ITGAD: variants seen among roughly 807,000 people sequenced by gnomAD.
The protein encoded by ITGAD is integrin subunit alpha D, also known as integrin alpha-D.
A neutral mutation model predicts 139.0 loss-of-function variants in ITGAD; 105 were observed. That is an observed-to-expected ratio of 0.76 (90% CI 0.65 to 0.89). The LOEUF is 0.89. ITGAD is among the 40% of genes least tolerant of loss of function. The probability of loss-of-function intolerance (pLI) is 0.00; values close to 1 mark genes in which losing one functional copy is unlikely to be tolerated. For missense variants in ITGAD, 1,384 were observed against 1,487.3 expected, an observed-to-expected ratio of 0.93 and a Z score of 1.14; for synonymous variants, 569 against 598.3, an observed-to-expected ratio of 0.95 and a Z score of 0.71.
At position 31,426,465 on chromosome 16, in the gene ITGAD, G is replaced by A. The variant is rs1050418173; in HGVS notation, c.*337G>A. On this transcript the variant is annotated 3_prime_UTR_variant, in exon 30 of 30. Coordinates refer to ENST00000389202, the MANE Select transcript of ITGAD (RefSeq NM_005353.3). ...TGAGTGCCTCTCTGGGAATAGTCGGGGGAACCTATTTGTGGGCATTGAAAA... is the reference window on the plus strand; with the variant it reads ...TGAGTGCCTCTCTGGGAATAGTCGGAGGAACCTATTTGTGGGCATTGAAAA... 3.9e-6 allele frequency: 1 copy of A among 253,366 alleles called. No homozygotes were observed. The highest frequency in any genetic ancestry group is 7.8e-6 in the Non-Finnish European group (1 of 128,386). 15.7% of individuals were successfully genotyped at this position (253,366 alleles called of 1,614,324 possible).
chr16:31,393,527 G>A (rs1465089638), intron 1 of ITGAD, 136 bp downstream of exon 1: 5 of 858,760 alleles, frequency 5.8e-6, no homozygotes, highest in South Asian at 1.5e-5. Flanking sequence ...CTTCATGTGC[G>A]AGTGGCCCGG....
At chr16:31,394,130 CAAAAAAAAAA>C (rs943198130) in intron 1 of ITGAD, 96 bp from the exon 2 acceptor site, 2 of 414,512 alleles carry the variant, frequency 4.8e-6, no homozygotes, top group Non-Finnish European at 8.1e-6. Context: ...GACTCCATCT[CAAAAAAAAAA>C]AAAAAAAAAA....
rs142645960 is a variant in ITGAD, at chr16:31,423,451, C to T, written c.2959C>T (p.Pro987Ser). The T allele has an allele frequency of 4.8e-4, 769 of 1,613,422 alleles. No homozygotes were observed. Among genetic ancestry groups the T allele is most frequent in the Non-Finnish European group, 6.4e-4 (749 of 1,179,502 alleles). ...VAVWDVVMEA[P>S]SQSLPCVSER... The stretch of plus-strand genomic sequence containing the variant: ...TGTGTGGGATGTGGTCATGGAGGCC[C>T]CATCTCAGGTACCCGCCTATCTCTC... Residue 987 changes from proline (P) to serine (S), a missense_variant, in exon 25 of 30, where the codon CCA becomes TCA. Transcript: ENST00000389202.
At chr16:31,401,451 C>T (rs80229418) in intron 5 of ITGAD, among the ~76,000 whole-genome samples, 2,786 of 152,164 alleles carry the variant, frequency 0.018, 81 homozygotes, top group African/African-American at 0.064. Context: ...GCCAACTCCA[C>T]GTAGCTGGAA....
In ITGAD at chr16:31,397,552, T is replaced by C. The variant is rs549367422; in HGVS notation, c.242-44T>C. On this transcript the variant is annotated intron_variant, in intron 3 of 29. Transcript: ENST00000389202. ...TTCCAGTCCAGACCTTCCCCGCAAATGAGTGTGTGCTGTGAGTGAGACCCC... is the reference window on the plus strand; with the variant it reads ...TTCCAGTCCAGACCTTCCCCGCAAACGAGTGTGTGCTGTGAGTGAGACCCC... The C allele has an allele frequency of 1.9e-6, 3 of 1,601,236 alleles. No individual in the cohort carries two copies. In the African/African-American group the frequency reaches 4.0e-5, roughly 21 times the overall value.
At chr16:31,411,994 A>G (rs182150966) in intron 14 of ITGAD, among the ~76,000 whole-genome samples, 198 of 151,036 alleles carry the variant, frequency 1.3e-3, no homozygotes, top group African/African-American at 4.6e-3. Flanking sequence ...ACCAACCTGC[A>G]CCCTCATGAC....
At position 31,423,883 on chromosome 16, in the gene ITGAD, C is replaced by A; in HGVS notation, c.3084C>A (p.Asp1028Glu). Residue 1028 changes from aspartate (D) to glutamate (E), a missense_variant, in exon 27 of 30, where the codon GAC becomes GAA. Asp to Glu is a conservative substitution (Grantham distance 45). Coordinates refer to ENST00000389202, the MANE Select transcript of ITGAD (RefSeq NM_005353.3). ...CTGACTGCCTGCAGTTCCGCTGTGACGTCCCCTCCTTCAGCGTCCAGGAGG... is the reference window on the plus strand; with the variant it reads ...CTGACTGCCTGCAGTTCCGCTGTGAAGTCCCCTCCTTCAGCGTCCAGGAGG... ...SIADCLQFRCDVPSFSVQEEL... is the reference protein window; with the variant it reads ...SIADCLQFRCEVPSFSVQEEL... 6.2e-7 allele frequency: 1 copy of A among 1,614,236 alleles called. No homozygotes were observed. Among genetic ancestry groups the A allele is most frequent in the Non-Finnish European group, 8.5e-7 (1 of 1,180,050 alleles).
At chr16:31,405,212 C>CT (rs1460568712) in intron 7 of ITGAD, among the ~76,000 whole-genome samples, 2 of 152,162 alleles carry the variant, frequency 1.3e-5, no homozygotes, top group East Asian at 3.8e-4. Flanking sequence ...TCTCGAACTC[C>CT]TGACCTCAAG....
In ITGAD at chr16:31,424,097, T is replaced by G; in HGVS notation, c.3160-5T>G. The G allele has an allele frequency of 6.2e-7, 1 of 1,614,194 alleles. No individual in the cohort carries two copies. Among genetic ancestry groups the G allele is most frequent in the Non-Finnish European group, 8.5e-7 (1 of 1,180,022 alleles). ...TTCCACAGGTTTCCCCCAACCCCTT[T>G]GCAGACATTGCAGAAGAAGGTGTTG... On this transcript the variant is annotated splice_region_variant and splice_polypyrimidine_tract_variant and intron_variant, in intron 27 of 29. Coordinates refer to ENST00000389202, the MANE Select transcript of ITGAD (RefSeq NM_005353.3).
rs1252566252 is a variant in ITGAD, at chr16:31,426,360, A to G, written c.*232A>G. 2.1e-6 allele frequency: 1 copy of G among 471,558 alleles called. No homozygotes were observed. Among genetic ancestry groups the G allele is most frequent in the Non-Finnish European group, 3.8e-6 (1 of 260,146 alleles). 29.2% of individuals were successfully genotyped at this position (471,558 alleles called of 1,614,324 possible). A position where few individuals can be genotyped will look rare whatever the true frequency, so the allele number is the denominator to read the frequency against. On this transcript the variant is annotated 3_prime_UTR_variant, in exon 30 of 30. Transcript: ENST00000389202. Reference sequence around the variant, plus strand: ...AGGCATGGTGCCAGCATAAATTTTCATATGCTTAAGAATTGTCACATGAAA... The same window carrying G: ...AGGCATGGTGCCAGCATAAATTTTCGTATGCTTAAGAATTGTCACATGAAA...
Position 31,418,558 on chromosome 16 carries a change from T to C in ITGAD, c.2774T>C (p.Ile925Thr), listed in dbSNP as rs150615624. The C allele has an allele frequency of 5.5e-4, 892 of 1,613,868 alleles. No homozygotes were observed. Among genetic ancestry groups the C allele is most frequent in the Non-Finnish European group, 7.0e-4 (831 of 1,179,762 alleles). ...GTGAAGTATGCAGTCTACACCATGA[T>C]CAGCAGGTGCCCAGTCCCTGGCCTT... ...LPVKYAVYTM[I>T]SRQEESTKYF... is the part of the protein sequence containing the mutation. The change falls in exon 23 of 30, where the codon ATC becomes ACC. Residue 925 changes from isoleucine (I) to threonine (T), a missense_variant. Transcript: ENST00000389202.
At chr16:31,424,059 C>A (rs2082061987) in intron 27 of ITGAD, 43 bp from the exon 28 acceptor site, 7 of 1,608,042 alleles carry the variant, frequency 4.4e-6, no homozygotes, top group Non-Finnish European at 6.0e-6. Flanking sequence ...CTCTGAGCCT[C>A]CCCCAGAGCC....
At chr16:31,409,935 A>G (rs1597133966) in intron 10 of ITGAD, among the ~76,000 whole-genome samples, 1 of 150,966 alleles carries the variant, frequency 6.6e-6, no homozygotes, top group East Asian at 1.9e-4. Flanking sequence ...AAAAAAAGAA[A>G]GGATGAAGTT....
In ITGAD at chr16:31,424,487, A is replaced by C. The variant is rs2082072658; in HGVS notation, c.3282A>C (p.Glu1094Asp). ...ATCAGATGGAGATGGTGCTAGAAGA[A>C]GACGAGGTCTACAATGCCATTCCCA... Reference protein sequence around the residue: ...MRAQMEMVLEEDEVYNAIPII... With the variant: ...MRAQMEMVLEDDEVYNAIPII... The change falls in exon 29 of 30, where the codon GAA becomes GAC. Residue 1094 changes from glutamate (E) to aspartate (D), a missense_variant. By Grantham distance (45) the Glu-to-Asp change is conservative. Transcript: ENST00000389202. The C allele has an allele frequency of 2.5e-6, 4 of 1,613,876 alleles. No individual in the cohort carries two copies. Among genetic ancestry groups the C allele is most frequent in the South Asian group, 1.1e-5 (1 of 91,058 alleles).
chr16:31,418,759 G>T (rs975077507), intron 23 of ITGAD, among the ~76,000 whole-genome samples, 195 bp downstream of exon 23: 1 of 152,194 alleles, frequency 6.6e-6, no homozygotes, highest in African/African-American at 2.4e-5. Flanking sequence ...GGTACCTCGC[G>T]CCTGTAACCC....
Position 31,402,261 on chromosome 16 carries a change from C to G in ITGAD, c.558+16C>G. The G allele has an allele frequency of 6.1e-6, 4 of 654,396 alleles. No homozygotes were observed. The highest frequency in any genetic ancestry group is 8.7e-6 in the Non-Finnish European group (4 of 461,858). The allele number at this position is 654,396 out of a possible 1,614,324, so 40.5% of individuals were successfully genotyped here. A position where few individuals can be genotyped will look rare whatever the true frequency, so the allele number is the denominator to read the frequency against. On this transcript the variant is annotated intron_variant, in intron 6 of 29. Transcript: ENST00000389202. ...TGACACCCTGGTGAAGACTGGGCACCTGGGGCTGGGGTTTGGGGGACGGGG... is the reference window on the plus strand; with the variant it reads ...TGACACCCTGGTGAAGACTGGGCACGTGGGGCTGGGGTTTGGGGGACGGGG...
At chr16:31,418,661 A>G in intron 23 of ITGAD, 97 bp downstream of exon 23, 1 of 910,678 alleles carries the variant, frequency 1.1e-6, no homozygotes, top group Non-Finnish European at 1.8e-6. Flanking sequence ...ATGCACATCT[A>G]AGCTCTCCTG....
chr16:31,397,615 C>G lies in ITGAD; in HGVS notation c.261C>G (p.Asn87Lys), dbSNP rs144758242. The change falls in exon 4 of 30, where the codon AAC becomes AAG. Residue 87 changes from asparagine (N) to lysine (K), a missense_variant. Asn to Lys is a moderately conservative substitution (Grantham distance 94). Transcript: ENST00000389202. ...TTGCAGTCCGCCCTGAGGCCGTGAA[C>G]ATGTCCTTGGGCCTGACCCTGGCAG... ...IPLHIRPEAV[N>K]MSLGLTLAAS... 2 of 1,600,304 alleles carry G rather than the reference C, an allele frequency of 1.2e-6. No homozygotes were observed. The highest frequency in any genetic ancestry group is 2.7e-5 in the African/African-American group (2 of 73,816).
intron 29 of ITGAD, among the ~76,000 whole-genome samples, chr16:31,424,891 A>T (rs1204890693): frequency 6.6e-6 from 1 of 151,312 alleles, no homozygotes; most frequent in Non-Finnish European, 1.5e-5. Context: ...GAGCCACCTC[A>T]TCCGGCCTTA....
Sources: gnomAD v4.1 joint callset for allele counts (sites outside exome capture counted in the v4.1 genomes callset) on GRCh38, gnomAD v4.1.1 for gene constraint, MANE v1.5 for transcripts, NCBI Gene and HGNC (gene_info 2026-07-23, HGNC 2026-07-21) for gene names.